The following PLEKHA7 variants were observed in gnomAD, a reference collection of about 807,000 sequenced individuals.
PLEKHA7 encodes pleckstrin homology domain containing A7.
A neutral mutation model predicts 170.0 loss-of-function variants in PLEKHA7; 104 were observed. That is an observed-to-expected ratio of 0.61 (90% CI 0.52 to 0.72). The LOEUF is 0.72. Ranked by LOEUF, PLEKHA7 falls within the 30% of genes least tolerant of loss-of-function variation. The pLI, the probability that PLEKHA7 is intolerant of heterozygous loss-of-function variation, is 0.00. For synonymous variants in PLEKHA7, 648 were observed against 660.8 expected, an observed-to-expected ratio of 0.98 and a Z score of 0.30; for missense variants, 1,615 against 1,671.7, an observed-to-expected ratio of 0.97 and a Z score of 0.59.
At chr11:17,006,971 C>A (rs1865036167) in intron 3 of PLEKHA7, among the ~76,000 whole-genome samples, 1 of 152,228 alleles carries the variant, frequency 6.6e-6, no homozygotes, top group Non-Finnish European at 1.5e-5. Context: ...AAAACACACA[C>A]CCTTGATACT....
chr11:16,901,908 T>TA (rs1447034746), intron 3 of PLEKHA7, among the ~76,000 whole-genome samples: 1 of 152,178 alleles, frequency 6.6e-6, no homozygotes, highest in Non-Finnish European at 1.5e-5. Flanking sequence ...CAATGGCTTT[T>TA]AGTATACTGA....
chr11:16,978,142 C>A (rs1343443372), intron 3 of PLEKHA7, among the ~76,000 whole-genome samples: 2 of 152,158 alleles, frequency 1.3e-5, no homozygotes, highest in East Asian at 3.8e-4. Flanking sequence ...GGAAAGAGGT[C>A]TTTGTTAACA....
intron 10 of PLEKHA7, among the ~76,000 whole-genome samples, chr11:16,821,994 T>C (rs531254067): frequency 8.6e-5 from 13 of 150,538 alleles, no homozygotes; most frequent in Admixed American, 7.3e-4. Context: ...TAAGAATGGC[T>C]CAAATCCCCA....
intron 26 of PLEKHA7, among the ~76,000 whole-genome samples, chr11:16,779,237 C>T (rs138862477): frequency 1.3e-3 from 205 of 152,298 alleles, no homozygotes; most frequent in Non-Finnish European, 2.3e-3. Flanking sequence ...CACATGCTGG[C>T]CCCTAAATTG....
intron 3 of PLEKHA7, among the ~76,000 whole-genome samples, chr11:16,953,683 C>T (rs962918463): frequency 5.9e-5 from 9 of 152,182 alleles, no homozygotes; most frequent in African/African-American, 2.2e-4. Flanking sequence ...ATAAATAATT[C>T]TGTATTTAAG....
At chr11:16,823,078 T>C (rs76272021) in intron 10 of PLEKHA7, among the ~76,000 whole-genome samples, 4,567 of 152,206 alleles carry the variant, frequency 0.03, 190 homozygotes, top group South Asian at 0.098. Context: ...CATTGCAGCC[T>C]TGAACTCATG....
intron 13 of PLEKHA7, among the ~76,000 whole-genome samples, chr11:16,805,497 G>C (rs1022466088): frequency 6.6e-6 from 1 of 151,656 alleles, no homozygotes; most frequent in Non-Finnish European, 1.5e-5. Flanking sequence ...CCTTTTTAAA[G>C]TGCTGCTTAT....
chr11:16,892,453 TGTTTTG>T, intron 3 of PLEKHA7, among the ~76,000 whole-genome samples: 1 of 148,100 alleles, frequency 6.8e-6, no homozygotes, highest in East Asian at 2.0e-4. Flanking sequence ...TGTTTTGTTT[TGTTTTG>T]TTTTGAGATA....
At chr11:17,006,684 A>G (rs1017750228) in intron 3 of PLEKHA7, among the ~76,000 whole-genome samples, 15 of 152,106 alleles carry the variant, frequency 9.9e-5, no homozygotes, top group Admixed American at 9.8e-4. Flanking sequence ...GACATTCTAC[A>G]AGATAAATTT....
chr11:16,964,418 C>G (rs528926872), intron 3 of PLEKHA7, among the ~76,000 whole-genome samples: 5 of 152,156 alleles, frequency 3.3e-5, no homozygotes, highest in Admixed American at 2.0e-4. Context: ...ATTTTACTTT[C>G]CCACCAGCAA....
In PLEKHA7 at chr11:16,887,511, A is replaced by G. The variant is rs374040534; in HGVS notation, c.222-16329T>C. Among the ~76,000 whole-genome samples, 5 of 152,236 alleles carry G rather than the reference A, an allele frequency of 3.3e-5. No homozygotes were observed. In the East Asian group the frequency reaches 9.7e-4, roughly 29 times the overall value. On this transcript the variant is annotated intron_variant, in intron 3 of 26. Coordinates refer to ENST00000531066, the MANE Select transcript of PLEKHA7 (RefSeq NM_001329630.2). ...CCTCCCTGCCTGATTCTCCTGCCTCAGCCTGCCCAGTGCCTGGGATTGCAG... is the reference window on the plus strand; with the variant it reads ...CCTCCCTGCCTGATTCTCCTGCCTCGGCCTGCCCAGTGCCTGGGATTGCAG...
intron 3 of PLEKHA7, among the ~76,000 whole-genome samples, chr11:16,895,080 G>T (rs1565084937): frequency 6.6e-6 from 1 of 152,158 alleles, no homozygotes; most frequent in Non-Finnish European, 1.5e-5. Flanking sequence ...TGGAGTCAAA[G>T]GTTGAACTAT....
intron 3 of PLEKHA7, among the ~76,000 whole-genome samples, chr11:16,885,025 T>A (rs1855976082): frequency 6.6e-6 from 1 of 152,126 alleles, no homozygotes; most frequent in Non-Finnish European, 1.5e-5. Flanking sequence ...CTTCTTTTCA[T>A]GAAGAAGATC....
intron 3 of PLEKHA7, among the ~76,000 whole-genome samples, chr11:16,898,572 T>C (rs755397242): frequency 2.6e-4 from 40 of 152,294 alleles, no homozygotes; most frequent in Admixed American, 1.5e-3. Flanking sequence ...ATGTAACAAG[T>C]TAGCACTCTG....
chr11:16,927,660 GCAATGA>G (rs1297443220), intron 3 of PLEKHA7, among the ~76,000 whole-genome samples: 1 of 152,244 alleles, frequency 6.6e-6, no homozygotes, highest in Non-Finnish European at 1.5e-5. Flanking sequence ...AAGGAAGCAT[GCAATGA>G]CCTTGGGGAC....
intron 3 of PLEKHA7, among the ~76,000 whole-genome samples, chr11:16,963,074 C>T (rs1268014172): frequency 6.6e-6 from 1 of 152,236 alleles, no homozygotes; most frequent in Non-Finnish European, 1.5e-5. Context: ...TGGCCTTCCA[C>T]TCCTTGACCC....
chr11:16,890,728 C>T (rs1264413439), intron 3 of PLEKHA7, among the ~76,000 whole-genome samples: 4 of 151,924 alleles, frequency 2.6e-5, no homozygotes, highest in Non-Finnish European at 5.9e-5. Flanking sequence ...TATTACTGAA[C>T]CATAAATTAA....
intron 3 of PLEKHA7, among the ~76,000 whole-genome samples, chr11:16,876,317 A>T (rs1178518652): frequency 6.6e-6 from 1 of 152,218 alleles, no homozygotes; most frequent in Non-Finnish European, 1.5e-5. Flanking sequence ...TTCAGGGGAG[A>T]ACAAAAACTC....
chr11:16,788,919 G>A (rs1849589053), intron 23 of PLEKHA7, 177 bp downstream of exon 23: 2 of 759,860 alleles, frequency 2.6e-6, no homozygotes, highest in East Asian at 2.7e-5. Context: ...GTCACCCTCT[G>A]ACCAGGCATT....
Sources: allele counts gnomAD v4.1 joint callset (sites outside exome capture counted in the v4.1 genomes callset), GRCh38; gene constraint gnomAD v4.1.1; transcripts MANE v1.5; gene names NCBI Gene and HGNC (gene_info 2026-07-23, HGNC 2026-07-21).